RCAN2: variants seen among roughly 807,000 people sequenced by gnomAD.
RCAN2 encodes the protein regulator of calcineurin 2, also known as calcipressin-2.
RCAN2 carries 9 observed loss-of-function variants against 23.6 expected under a neutral mutation model. That is an observed-to-expected ratio of 0.38 (90% confidence interval 0.23 to 0.67). The LOEUF (loss-of-function observed/expected upper bound fraction) is 0.67. RCAN2 is among the 30% of genes least tolerant of loss of function. The pLI is 0.51. For missense variants in RCAN2, 273 were observed against 302.3 expected, an observed-to-expected ratio of 0.90 and a Z score of 0.72; for synonymous variants, 109 against 115.7, an observed-to-expected ratio of 0.94 and a Z score of 0.37.
Position 46,372,475 on chromosome 6 carries a change from C to G in RCAN2, c.225+84277G>C, listed in dbSNP as rs539869472. 2.6e-5 allele frequency among the ~76,000 whole-genome samples: 4 copies of G among 152,236 alleles called. No homozygotes were observed. In the East Asian group the frequency reaches 7.7e-4, roughly 29 times the overall value. The stretch of plus-strand genomic sequence containing the variant: ...CTCTTAACCATGGGCTGTCACAGTC[C>G]CCAAACTAAGAGTTGTGGACATAAA... On this transcript the variant is annotated intron_variant, in intron 2 of 4. Transcript: ENST00000371374.
At chr6:46,437,215 T>C (rs1767399402) in intron 2 of RCAN2, among the ~76,000 whole-genome samples, 1 of 152,216 alleles carries the variant, frequency 6.6e-6, no homozygotes, top group Non-Finnish European at 1.5e-5. Flanking sequence ...TAATGTTCCA[T>C]TTCTGGGCTT....
At position 46,402,673 on chromosome 6, in the gene RCAN2, A is replaced by G. The variant is rs537946079; in HGVS notation, c.225+54079T>C. Among the ~76,000 whole-genome samples, 12 of 152,304 alleles carry G rather than the reference A, an allele frequency of 7.9e-5. No individual in the cohort carries two copies. In the South Asian group the frequency reaches 2.5e-3, roughly 32 times the overall value. On this transcript the variant is annotated intron_variant, in intron 2 of 4. Coordinates refer to ENST00000371374, the MANE Select transcript of RCAN2 (RefSeq NM_001251974.2). Reference sequence around the variant, plus strand: ...AGGTCAAGAGGAGTCTTCTAGACAGACAAGCCCTGCTGGGTTTTCCCACTC... The same window carrying G: ...AGGTCAAGAGGAGTCTTCTAGACAGGCAAGCCCTGCTGGGTTTTCCCACTC...
At chr6:46,425,482 C>T (rs1244602310) in intron 2 of RCAN2, among the ~76,000 whole-genome samples, 1 of 151,986 alleles carries the variant, frequency 6.6e-6, no homozygotes, top group Admixed American at 6.6e-5. Context: ...CTTAGTAACC[C>T]CCAGGAATTA....
intron 2 of RCAN2, among the ~76,000 whole-genome samples, chr6:46,300,495 C>A: frequency 6.6e-6 from 1 of 151,940 alleles, no homozygotes; most frequent in East Asian, 1.9e-4. Flanking sequence ...CTTTAACTCT[C>A]TATTAAAGAA....
intron 1 of RCAN2, among the ~76,000 whole-genome samples, chr6:46,467,333 G>A (rs1768415592): frequency 6.6e-6 from 1 of 151,940 alleles, no homozygotes; most frequent in South Asian, 2.1e-4. Flanking sequence ...TCTCTGTGTT[G>A]TTTCCTCAAC....
rs376511659 is a variant in RCAN2 at position 46,248,907 on chromosome 6, C to T, written c.226-11G>A. The T allele has an allele frequency of 6.3e-7, 1 of 1,596,378 alleles. No individual in the cohort carries two copies. The highest frequency in any genetic ancestry group is 1.1e-5 in the South Asian group (1 of 88,458). On this transcript the variant is annotated splice_polypyrimidine_tract_variant and intron_variant, in intron 2 of 4. Coordinates refer to ENST00000371374, the MANE Select transcript of RCAN2 (RefSeq NM_001251974.2). ...TCCCTCAAATTTTTCCTGATAAAAA[C>T]AAACACAGAGGAAAATCCATTGGCC...
At chr6:46,421,085 T>G (rs1178589197) in intron 2 of RCAN2, among the ~76,000 whole-genome samples, 1 of 152,194 alleles carries the variant, frequency 6.6e-6, no homozygotes, top group East Asian at 1.9e-4. Flanking sequence ...TGAAATGAGA[T>G]AACATTTTTT....
chr6:46,253,923 C>A (rs1010805520), intron 2 of RCAN2, among the ~76,000 whole-genome samples: 1 of 152,112 alleles, frequency 6.6e-6, no homozygotes, highest in African/African-American at 2.4e-5. Flanking sequence ...TAGGCTGTAC[C>A]ATAGAGCTTG....
chr6:46,273,966 T>C (rs1767605006), intron 2 of RCAN2, among the ~76,000 whole-genome samples: 1 of 152,122 alleles, frequency 6.6e-6, no homozygotes, highest in Non-Finnish European at 1.5e-5. Context: ...TATGAAAGGC[T>C]GGGTACATAA....
At chr6:46,389,145 T>C (rs1765855937) in intron 2 of RCAN2, among the ~76,000 whole-genome samples, 2 of 151,698 alleles carry the variant, frequency 1.3e-5, no homozygotes, top group African/African-American at 4.8e-5. Context: ...GAAAAAAAAA[T>C]AGTTTCAGAG....
At chr6:46,248,124 T>C (rs909283856) in intron 3 of RCAN2, among the ~76,000 whole-genome samples, 3 of 152,210 alleles carry the variant, frequency 2.0e-5, no homozygotes, top group African/African-American at 4.8e-5. Context: ...TGGAACATGA[T>C]GGATATTGAT....
chr6:46,457,193 G>A (rs1478525199), intron 1 of RCAN2, among the ~76,000 whole-genome samples: 3 of 152,150 alleles, frequency 2.0e-5, no homozygotes, highest in African/African-American at 7.2e-5. Flanking sequence ...GGCAAGAACC[G>A]AGTCAGTACT....
chr6:46,409,341 T>A (rs1241241332), intron 2 of RCAN2, among the ~76,000 whole-genome samples: 2 of 152,244 alleles, frequency 1.3e-5, no homozygotes, highest in Non-Finnish European at 2.9e-5. Context: ...TTTTACATTA[T>A]TATTCACCTT....
At chr6:46,373,211 C>G (rs1765366667) in intron 2 of RCAN2, among the ~76,000 whole-genome samples, 2 of 152,114 alleles carry the variant, frequency 1.3e-5, no homozygotes, top group South Asian at 4.1e-4. Flanking sequence ...GCTACGGGGT[C>G]AAGAAACATA....
intron 2 of RCAN2, among the ~76,000 whole-genome samples, chr6:46,374,608 T>G (rs145895353): frequency 6.6e-6 from 1 of 152,318 alleles, no homozygotes; most frequent in East Asian, 1.9e-4. Flanking sequence ...ATTTCTAGAT[T>G]CCACGGGTGT....
At chr6:46,280,396 G>A (rs1747525300) in intron 2 of RCAN2, among the ~76,000 whole-genome samples, 1 of 152,060 alleles carries the variant, frequency 6.6e-6, no homozygotes, top group Non-Finnish European at 1.5e-5. Flanking sequence ...ACCTTTGCAA[G>A]ATGTCAACCC....
chr6:46,243,293 C>T (rs1766373166), intron 4 of RCAN2, among the ~76,000 whole-genome samples: 1 of 151,970 alleles, frequency 6.6e-6, no homozygotes, highest in African/African-American at 2.4e-5. Context: ...AAATGGATAA[C>T]CAAATAAAGA....
intron 1 of RCAN2, among the ~76,000 whole-genome samples, chr6:46,463,629 T>C (rs1370527929): frequency 1.3e-5 from 2 of 152,210 alleles, no homozygotes; most frequent in Non-Finnish European, 2.9e-5. Flanking sequence ...TGTTTATCTC[T>C]GGGATTAAAC....
chr6:46,442,435 G>T (rs950933331), intron 2 of RCAN2, among the ~76,000 whole-genome samples: 1 of 152,152 alleles, frequency 6.6e-6, no homozygotes, highest in African/African-American at 2.4e-5. Flanking sequence ...CAGCCCATCA[G>T]CCTAGAGGGC....
Sources: gnomAD v4.1 joint callset for allele counts (sites outside exome capture counted in the v4.1 genomes callset) on GRCh38, gnomAD v4.1.1 for gene constraint, MANE v1.5 for transcripts, NCBI Gene and HGNC (gene_info 2026-07-23, HGNC 2026-07-21) for gene names.